Variants in DNAH9 observed in about 807,000 individuals in gnomAD.
The protein encoded by DNAH9 is dynein axonemal heavy chain 9.
Under a neutral mutation model 471.6 loss-of-function variants are expected in DNAH9, and 345 were observed. The observed-to-expected ratio is 0.73, with a 90% confidence interval of 0.67 to 0.80. The LOEUF (loss-of-function observed/expected upper bound fraction) is 0.80. Among genes scored for constraint, DNAH9 ranks in the 30% least tolerant of loss-of-function variants. The pLI is 0.00. For missense variants in DNAH9, 5,407 were observed against 5,609.2 expected, an observed-to-expected ratio of 0.96 and a Z score of 1.15; for synonymous variants, 2,093 against 2,123.6, an observed-to-expected ratio of 0.99 and a Z score of 0.40.
At chr17:11,954,308 A>C (rs1975530805) in intron 67 of DNAH9, among the ~76,000 whole-genome samples, 1 of 152,192 alleles carries the variant, frequency 6.6e-6, no homozygotes, top group South Asian at 2.1e-4. Flanking sequence ...TGAAAACCAC[A>C]AAACCTATAG....
At chr17:11,691,801 GTTTGTT>G (rs552471213) in intron 20 of DNAH9, among the ~76,000 whole-genome samples, 1 of 151,714 alleles carries the variant, frequency 6.6e-6, no homozygotes, top group Non-Finnish European at 1.5e-5. Context: ...GTGTTTTTTT[GTTTGTT>G]TTTGTTTTTG....
intron 45 of DNAH9, among the ~76,000 whole-genome samples, chr17:11,821,286 CAAAAA>C (rs58010981): frequency 2.9e-4 from 36 of 123,840 alleles, no homozygotes; most frequent in African/African-American, 3.9e-4. Context: ...AACTCTATCT[CAAAAA>C]AAAAAAAAAA....
At position 11,680,700 on chromosome 17, in the gene DNAH9, C is replaced by T. The variant is rs554707141; in HGVS notation, c.3577-23C>T. 33 of 1,611,790 alleles carry T rather than the reference C, an allele frequency of 2.0e-5. No homozygotes were observed. In the South Asian group the frequency reaches 3.4e-4, roughly 17 times the overall value. On this transcript the variant is annotated intron_variant, in intron 18 of 68. Transcript: ENST00000262442. Reference sequence around the variant, plus strand: ...AGGAAAGAGCACCTTGGGAATCTGACCACACTGAGGTTTCCTTTGCAGGAG... The same window carrying T: ...AGGAAAGAGCACCTTGGGAATCTGATCACACTGAGGTTTCCTTTGCAGGAG...
intron 11 of DNAH9, among the ~76,000 whole-genome samples, chr17:11,645,684 C>T (rs1009242754): frequency 3.9e-5 from 6 of 151,982 alleles, no homozygotes; most frequent in African/African-American, 1.5e-4. Context: ...CTGTTTCTCA[C>T]CTCTACCCTT....
rs1972282506 is a variant in DNAH9, at chr17:11,871,929, A to C, written c.10242+143A>C. ...TGAGCACCAGGTGTGAAACCTGCGT[A>C]CCCGTGTCCTTCCACACTGCCTTGC... On this transcript the variant is annotated intron_variant, in intron 52 of 68. Coordinates refer to ENST00000262442, the MANE Select transcript of DNAH9 (RefSeq NM_001372.4). 13 of 878,166 alleles carry C rather than the reference A, an allele frequency of 1.5e-5. No homozygotes were observed. In the South Asian group the frequency reaches 2.2e-4, roughly 15 times the overall value. 54.4% of individuals were successfully genotyped at this position (878,166 alleles called of 1,614,324 possible). A position where few individuals can be genotyped will look rare whatever the true frequency, so the allele number is the denominator to read the frequency against.
intron 49 of DNAH9, among the ~76,000 whole-genome samples, chr17:11,844,918 T>C (rs151178868): frequency 1.3e-5 from 2 of 152,322 alleles, no homozygotes; most frequent in East Asian, 1.9e-4. Context: ...TTGAGCTTTT[T>C]TTCATAGGTT....
rs71142254 is a variant in DNAH9 at position 11,929,024 on chromosome 17, CTT to C, written c.11878-819_11878-818del. On this transcript the variant is annotated intron_variant, in intron 62 of 68. Transcript: ENST00000262442. ...TTGGAAGATGACCAAGTGTTACAGC[CTT>C]TTTTTTTTTTTTTTTTTTTTTTATT... 7.5e-3 allele frequency among the ~76,000 whole-genome samples: 771 copies of C among 102,872 alleles called. 15 individuals carry two copies. The East Asian group carries it at 0.13, about 18-fold the overall frequency. The allele number at this position is 102,872 out of a possible 152,430, so 67.5% of individuals were successfully genotyped here.
intron 9 of DNAH9, among the ~76,000 whole-genome samples, chr17:11,637,403 T>C (rs929712354): frequency 1.3e-5 from 2 of 152,176 alleles, no homozygotes; most frequent in African/African-American, 4.8e-5. Context: ...GCTGGTTCTT[T>C]ATAGAATGTT....
intron 48 of DNAH9, among the ~76,000 whole-genome samples, chr17:11,825,199 T>C (rs994632146): frequency 1.3e-5 from 2 of 152,006 alleles, no homozygotes; most frequent in African/African-American, 4.8e-5. Context: ...GTAACATCTT[T>C]TCTCCTGATC....
intron 30 of DNAH9, among the ~76,000 whole-genome samples, chr17:11,742,758 T>G (rs532000776): frequency 1.3e-5 from 2 of 152,188 alleles, no homozygotes; most frequent in Admixed American, 1.3e-4. Flanking sequence ...AAATTGCACC[T>G]TAGCAAAACA....
chr17:11,742,978 C>T (rs1318696854), intron 30 of DNAH9, among the ~76,000 whole-genome samples: 1 of 152,168 alleles, frequency 6.6e-6, no homozygotes, highest in Non-Finnish European at 1.5e-5. Flanking sequence ...TGTATCCCCT[C>T]TCTAGGTTCT....
At chr17:11,918,677 A>ACCTTT (rs1974035440) in intron 61 of DNAH9, among the ~76,000 whole-genome samples, 1 of 152,160 alleles carries the variant, frequency 6.6e-6, no homozygotes, top group African/African-American at 2.4e-5. Context: ...GAGTGAATAG[A>ACCTTT]GACAAAGGTT....
chr17:11,888,361 A>G (rs1597792287), intron 57 of DNAH9, among the ~76,000 whole-genome samples: 2 of 152,296 alleles, frequency 1.3e-5, no homozygotes, highest in Non-Finnish European at 2.9e-5. Context: ...GAATTATAAA[A>G]ATCTTTTAAA....
chr17:11,774,644 G>A (rs1029304231), intron 38 of DNAH9, among the ~76,000 whole-genome samples: 3 of 152,090 alleles, frequency 2.0e-5, no homozygotes, highest in Non-Finnish European at 2.9e-5. Flanking sequence ...AGGACACGTA[G>A]GGATTATGGG....
intron 1 of DNAH9, among the ~76,000 whole-genome samples, chr17:11,605,118 G>A (rs12150653): frequency 0.047 from 7,199 of 152,054 alleles, 257 homozygotes; most frequent in Non-Finnish European, 0.076. Context: ...CTTCCACCTC[G>A]GGGCCTTTGC....
Position 11,626,395 on chromosome 17 carries a change from C to T in DNAH9, c.1351-3022C>T, listed in dbSNP as rs149898842. Among the ~76,000 whole-genome samples the T allele has an allele frequency of 4.7e-3, 711 of 152,176 alleles. 8 individuals are homozygous for T. Among genetic ancestry groups the T allele is most frequent in the African/African-American group, 0.016 (667 of 41,520 alleles). On this transcript the variant is annotated intron_variant, in intron 6 of 68. Transcript: ENST00000262442. This position sits in a 1 kb window ranked among gnomAD's most constrained non-coding sequence, Gnocchi z 4.3. ...TCAAAGATATAGCCATGGTCAATGC[C>T]ATAAGTCTGGTGTCTATAGTTGTAA...
intron 17 of DNAH9, among the ~76,000 whole-genome samples, chr17:11,671,297 TCC>T (rs971069414): frequency 1.3e-5 from 2 of 152,184 alleles, no homozygotes; most frequent in African/African-American, 4.8e-5. Flanking sequence ...TACTCACAGT[TCC>T]CAGGAGGACA....
At chr17:11,627,956 T>C (rs2072999095) in intron 6 of DNAH9, among the ~76,000 whole-genome samples, 2 of 152,264 alleles carry the variant, frequency 1.3e-5, no homozygotes, top group East Asian at 1.9e-4. Context: ...GGGTCACCCA[T>C]AGCAGCAGCC....
chr17:11,735,531 G>C (rs1187358508), intron 28 of DNAH9, among the ~76,000 whole-genome samples: 1 of 152,100 alleles, frequency 6.6e-6, no homozygotes, highest in African/African-American at 2.4e-5. Context: ...TGCCTCCCAG[G>C]TTCAAGCGAT....
Sources: allele counts gnomAD v4.1 joint callset (sites outside exome capture counted in the v4.1 genomes callset), GRCh38; gene constraint gnomAD v4.1.1; non-coding constraint Gnocchi (gnomAD v3.1); transcripts MANE v1.5; gene names NCBI Gene and HGNC (gene_info 2026-07-23, HGNC 2026-07-21).